The following TMEM72 variants were observed in gnomAD, a reference collection of about 807,000 sequenced individuals.
TMEM72 encodes transmembrane protein 72, also known as kidney-specific secretory protein of 37 kDa.
A neutral mutation model predicts 16.3 loss-of-function variants in TMEM72; 9 were observed. The observed-to-expected ratio is 0.55, with a 90% confidence interval of 0.33 to 0.96. The LOEUF is 0.96. Ranked by LOEUF, TMEM72 falls within the 40% of genes least tolerant of loss-of-function variation. The pLI is 0.03. For missense variants in TMEM72, 324 were observed against 337.8 expected, an observed-to-expected ratio of 0.96 and a Z score of 0.32; for synonymous variants, 160 against 146.5, an observed-to-expected ratio of 1.09 and a Z score of -0.66.
At chr10:44,919,569 A>G (rs1292146039) in intron 1 of TMEM72, among the ~76,000 whole-genome samples, 1 of 152,242 alleles carries the variant, frequency 6.6e-6, no homozygotes, top group African/African-American at 2.4e-5. Flanking sequence ...TTAGGGATAA[A>G]TCTGACAAAA....
At chr10:44,915,749 T>G (rs1187851456) in intron 1 of TMEM72, among the ~76,000 whole-genome samples, 1 of 152,064 alleles carries the variant, frequency 6.6e-6, no homozygotes. Context: ...ACCAAACACT[T>G]TCTAAATCTC....
rs1463749878 is a variant in TMEM72 at position 44,931,978 on chromosome 10, T to A, written c.138-20T>A. On this transcript the variant is annotated intron_variant, in intron 2 of 4. Coordinates refer to ENST00000389583, the MANE Select transcript of TMEM72 (RefSeq NM_001123376.3). The stretch of plus-strand genomic sequence containing the variant: ...AGGAAGACAGAGGCGCCAGCCTCCC[T>A]CACCTGTCTCCACCTGCAGGTTTAC... 1.2e-6 allele frequency: 2 copies of A among 1,608,784 alleles called. No individual in the cohort carries two copies.
chr10:44,911,732 T>C (rs1839941162), intron 1 of TMEM72, 150 bp downstream of exon 1: 1 of 856,516 alleles, frequency 1.2e-6, no homozygotes, highest in African/African-American at 1.7e-5. Context: ...AACACTGCTC[T>C]GTAGAGCAGC....
rs1231096162 is a variant in TMEM72, at chr10:44,935,143, T to C, written c.*9T>C. 1.3e-6 allele frequency: 2 copies of C among 1,561,232 alleles called. No individual in the cohort carries two copies. The highest frequency in any genetic ancestry group is 1.7e-6 in the Non-Finnish European group (2 of 1,153,702). ...CCACCGGCCTGTTCTGAGCGCTTGCTCCAGCCTGGAGGACGCTCAGTGAGG... is the reference window on the plus strand; with the variant it reads ...CCACCGGCCTGTTCTGAGCGCTTGCCCCAGCCTGGAGGACGCTCAGTGAGG... On this transcript the variant is annotated 3_prime_UTR_variant, in exon 5 of 5. Transcript: ENST00000389583.
At chr10:44,917,100 G>A (rs981109940) in intron 1 of TMEM72, among the ~76,000 whole-genome samples, 4 of 152,164 alleles carry the variant, frequency 2.6e-5, no homozygotes, top group Non-Finnish European at 5.9e-5. Context: ...CTGTGGGAGT[G>A]TATGGGCTGG....
chr10:44,928,403 CATCT>C (rs1487250199), intron 2 of TMEM72, among the ~76,000 whole-genome samples: 1 of 151,982 alleles, frequency 6.6e-6, no homozygotes. Flanking sequence ...CCCATCCATC[CATCT>C]ATTCATCCAT....
Position 44,934,892 on chromosome 10 carries a change from C to T in TMEM72, c.586C>T (p.Pro196Ser). ...GAGTATCCTGAAGGGGACTAAGAAGCCCAGTGCCCTCCAGCCCCCCAACAC... is the reference window on the plus strand; with the variant it reads ...GAGTATCCTGAAGGGGACTAAGAAGTCCAGTGCCCTCCAGCCCCCCAACAC... ...MKSILKGTKK[P>S]SALQPPNTLM... Residue 196 changes from proline (P) to serine (S), a missense_variant, in exon 5 of 5, where the codon CCC becomes TCC. Pro to Ser is a moderately conservative substitution (Grantham distance 74). Coordinates refer to ENST00000389583, the MANE Select transcript of TMEM72 (RefSeq NM_001123376.3). 2 of 1,613,394 alleles carry T rather than the reference C, an allele frequency of 1.2e-6. No homozygotes were observed. Among genetic ancestry groups the T allele is most frequent in the Non-Finnish European group, 1.7e-6 (2 of 1,179,822 alleles).
chr10:44,931,736 G>C (rs1221118588), intron 2 of TMEM72: 3 of 506,402 alleles, frequency 5.9e-6, no homozygotes. Context: ...CACACAGGGT[G>C]CCAGGTGAAG....
intron 3 of TMEM72, among the ~76,000 whole-genome samples, chr10:44,932,656 G>T (rs893442257): frequency 1.3e-5 from 2 of 152,160 alleles, no homozygotes; most frequent in Non-Finnish European, 1.5e-5. Context: ...GGTGGTCAGT[G>T]AGAGAGCCAG....
intron 1 of TMEM72, among the ~76,000 whole-genome samples, chr10:44,927,194 C>A (rs181107778): frequency 2.4e-4 from 37 of 152,274 alleles, no homozygotes; most frequent in Admixed American, 1.8e-3. Flanking sequence ...TGCAATGTTT[C>A]TATTGGGGAC....
intron 2 of TMEM72, among the ~76,000 whole-genome samples, chr10:44,930,886 G>A (rs1840285049): frequency 6.6e-6 from 1 of 152,220 alleles, no homozygotes; most frequent in Admixed American, 6.5e-5. Flanking sequence ...TCTCACCTGT[G>A]ATCACACAAT....
intron 1 of TMEM72, among the ~76,000 whole-genome samples, chr10:44,912,809 G>C (rs1372045224): frequency 6.6e-6 from 1 of 152,220 alleles, no homozygotes; most frequent in Non-Finnish European, 1.5e-5. Context: ...GAGCTGGCCA[G>C]TGGGCTCTTC....
intron 2 of TMEM72, among the ~76,000 whole-genome samples, chr10:44,929,994 GAAGC>G (rs1439221528): frequency 6.6e-6 from 1 of 152,240 alleles, no homozygotes; most frequent in African/African-American, 2.4e-5. Flanking sequence ...CTGGGATCCA[GAAGC>G]AGGCGGGCCT....
At chr10:44,933,026 C>T (rs1840328247) in intron 3 of TMEM72, among the ~76,000 whole-genome samples, 2 of 152,344 alleles carry the variant, frequency 1.3e-5, no homozygotes, top group Middle Eastern at 3.4e-3. Context: ...AGGATGGAGG[C>T]GCTGGGTCTA....
intron 1 of TMEM72, chr10:44,919,854 G>C (rs959291838): frequency 6.6e-6 from 1 of 152,110 alleles, no homozygotes; most frequent in Non-Finnish European, 1.5e-5. Flanking sequence ...ATCTCCACAC[G>C]TAGGTAAACC....
At chr10:44,919,628 A>G (rs1840062744) in intron 1 of TMEM72, among the ~76,000 whole-genome samples, 1 of 152,238 alleles carries the variant, frequency 6.6e-6, no homozygotes, top group African/African-American at 2.4e-5. Flanking sequence ...CTGAGAGATA[A>G]CAAAGAAAAT....
intron 1 of TMEM72, among the ~76,000 whole-genome samples, chr10:44,917,567 T>C (rs1272851564): frequency 2.0e-5 from 3 of 152,172 alleles, no homozygotes; most frequent in Admixed American, 6.5e-5. Context: ...AGCCCTGTTT[T>C]ATTTTTCATG....
intron 1 of TMEM72, among the ~76,000 whole-genome samples, chr10:44,926,414 G>A (rs1284503308): frequency 6.6e-6 from 1 of 152,216 alleles, no homozygotes; most frequent in Non-Finnish European, 1.5e-5. Flanking sequence ...AATGGAGAGA[G>A]TGGGACTCCT....
At chr10:44,928,250 C>A (rs1017531355) in intron 2 of TMEM72, among the ~76,000 whole-genome samples, 1 of 151,790 alleles carries the variant, frequency 6.6e-6, no homozygotes, top group African/African-American at 2.4e-5. Context: ...ATCTGCCCAT[C>A]CATTCGTCAG....
Sources: allele counts gnomAD v4.1 joint callset (sites outside exome capture counted in the v4.1 genomes callset), GRCh38; gene constraint gnomAD v4.1.1; transcripts MANE v1.5; gene names NCBI Gene and HGNC (gene_info 2026-07-23, HGNC 2026-07-21).